The following RANBP2 variants were observed in gnomAD, a reference collection of about 807,000 sequenced individuals.
The protein encoded by RANBP2 is RAN binding protein 2.
In RANBP2, 57 loss-of-function variants were observed where a neutral mutation model predicts 303.6. The observed-to-expected ratio is 0.19, with a 90% CI of 0.15 to 0.23. The LOEUF is 0.23. RANBP2 is among the 10% of genes least tolerant of loss of function. The pLI is 1.00. For missense variants in RANBP2, 3,138 were observed against 3,780.8 expected, an observed-to-expected ratio of 0.83 and a Z score of 4.46; for synonymous variants, 1,167 against 1,301.5, an observed-to-expected ratio of 0.90 and a Z score of 2.23.
chr2:109,442,937 A>G, the RANBP2 span, among the ~76,000 whole-genome samples: 3 of 152,172 alleles, frequency 2.0e-5, no homozygotes, highest in African/African-American at 7.2e-5. Flanking sequence ...AAACAAACAA[A>G]AAACCAACGA....
the RANBP2 span, among the ~76,000 whole-genome samples, chr2:109,032,510 T>C: frequency 6.6e-6 from 1 of 152,044 alleles, no homozygotes; most frequent in Admixed American, 6.6e-5. Flanking sequence ...TGCCCTGACT[T>C]TTACACCATG....
chr2:109,548,631 C>A, the RANBP2 span, among the ~76,000 whole-genome samples: 1 of 151,924 alleles, frequency 6.6e-6, no homozygotes, highest in African/African-American at 2.4e-5. Context: ...AAAAAATTAA[C>A]CAGGTGTGGC....
the RANBP2 span, among the ~76,000 whole-genome samples, chr2:109,123,310 T>TTTTC: frequency 3.5e-4 from 50 of 144,478 alleles, no homozygotes; most frequent in East Asian, 1.7e-3. Context: ...TCACTGTGGC[T>TTTTC]TTTCTTTCTT....
At chr2:109,188,253 C>T in the RANBP2 span, among the ~76,000 whole-genome samples, 1 of 152,216 alleles carries the variant, frequency 6.6e-6, no homozygotes, top group Non-Finnish European at 1.5e-5. Context: ...AAAACTCCAC[C>T]GCCACCCCAG....
chr2:108,864,152 C>G, the RANBP2 span, among the ~76,000 whole-genome samples: 3 of 151,696 alleles, frequency 2.0e-5, no homozygotes, highest in African/African-American at 7.3e-5. Context: ...GAAACCCATT[C>G]TCATATTTTG....
chr2:108,777,271 G>T (rs767920471), intron 25 of RANBP2, 40 bp downstream of exon 25: 9 of 1,533,308 alleles, frequency 5.9e-6, no homozygotes, highest in Non-Finnish European at 7.1e-6. Context: ...CATTGTTACA[G>T]AATCAAGCAC....
At chr2:109,411,258 C>G in the RANBP2 span, among the ~76,000 whole-genome samples, 1 of 152,230 alleles carries the variant, frequency 6.6e-6, no homozygotes. Context: ...TTGCAGGATG[C>G]TGGCCGTGTG....
chr2:108,888,049 G>A, the RANBP2 span, among the ~76,000 whole-genome samples: 147 of 152,190 alleles, frequency 9.7e-4, no homozygotes, highest in African/African-American at 3.3e-3. Flanking sequence ...TCTATGCCTA[G>A]TTTGTTGAGA....
At chr2:108,754,802 A>C (rs1676169574) in intron 15 of RANBP2, 103 bp from the exon 16 acceptor site, 3 of 1,576,374 alleles carry the variant, frequency 1.9e-6, no homozygotes, top group Admixed American at 1.7e-5. Context: ...AGTGCCTATT[A>C]AAGTGGCAAA....
At chr2:109,343,538 TG>T in the RANBP2 span, among the ~76,000 whole-genome samples, 1 of 152,194 alleles carries the variant, frequency 6.6e-6, no homozygotes. Flanking sequence ...CTTCTCCTCC[TG>T]GCTCACCAGC....
At chr2:109,501,752 C>T in the RANBP2 span, 2,805 of 673,540 alleles carry the variant, frequency 4.2e-3, 10 homozygotes, top group South Asian at 0.01. Context: ...GGAGCCATGG[C>T]GCCCCAAGGG....
chr2:109,459,133 C>G, the RANBP2 span, among the ~76,000 whole-genome samples: 1 of 152,018 alleles, frequency 6.6e-6, no homozygotes, highest in South Asian at 2.1e-4. Flanking sequence ...TATCTTGTAA[C>G]TTAAATACTA....
At chr2:109,467,963 T>G in the RANBP2 span, among the ~76,000 whole-genome samples, 1 of 152,162 alleles carries the variant, frequency 6.6e-6, no homozygotes, top group Admixed American at 6.5e-5. Context: ...GGCTGCTGGG[T>G]CAGAGGCAGA....
chr2:108,873,592 A>T, the RANBP2 span: 1 of 1,560,420 alleles, frequency 6.4e-7, no homozygotes, highest in African/African-American at 1.4e-5. Flanking sequence ...AAAATCAAGT[A>T]AGAATTTCTT....
the RANBP2 span, among the ~76,000 whole-genome samples, chr2:109,207,567 G>A: frequency 6.6e-6 from 1 of 152,190 alleles, no homozygotes; most frequent in Non-Finnish European, 1.5e-5. Flanking sequence ...AATGTTATTT[G>A]TGTGCTATTA....
the RANBP2 span, among the ~76,000 whole-genome samples, chr2:109,561,676 TTAC>T: frequency 1.3e-5 from 2 of 152,146 alleles, no homozygotes; most frequent in Non-Finnish European, 2.9e-5. Context: ...AACCTCTGGA[TTAC>T]CAACTACACC....
At chr2:109,160,068 G>A in the RANBP2 span, among the ~76,000 whole-genome samples, 1 of 152,182 alleles carries the variant, frequency 6.6e-6, no homozygotes, top group African/African-American at 2.4e-5. Flanking sequence ...AGTCCTTGGT[G>A]CCAAAAAGGT....
the RANBP2 span, among the ~76,000 whole-genome samples, chr2:109,519,734 G>A: frequency 2.0e-5 from 3 of 152,230 alleles, no homozygotes; most frequent in South Asian, 2.1e-4. Context: ...AAAGACACAG[G>A]ACATCCAGCA....
the RANBP2 span, among the ~76,000 whole-genome samples, chr2:109,011,439 GTAA>G: frequency 6.6e-6 from 1 of 152,170 alleles, no homozygotes; most frequent in Non-Finnish European, 1.5e-5. Context: ...GTCTTTGTAT[GTAA>G]TCTGTTTTCT....
Sources: gnomAD v4.1 joint callset for allele counts (sites outside exome capture counted in the v4.1 genomes callset) on GRCh38, gnomAD v4.1.1 for gene constraint, MANE v1.5 for transcripts, NCBI Gene and HGNC (gene_info 2026-07-23, HGNC 2026-07-21) for gene names.